Variants in GPC5 observed in about 807,000 individuals in gnomAD.
The protein encoded by GPC5 is glypican 5, also known as glypican-5.
In GPC5, 47 loss-of-function variants were observed where a neutral mutation model predicts 53.9. The observed-to-expected ratio is 0.87, with a 90% CI of 0.69 to 1.11. The LOEUF is 1.11. GPC5 is among the 50% of genes most tolerant of loss of function. The pLI is 0.00. For synonymous variants in GPC5, 286 were observed against 263.3 expected, an observed-to-expected ratio of 1.09 and a Z score of -0.84; for missense variants, 748 against 713.1, an observed-to-expected ratio of 1.05 and a Z score of -0.56.
intron 7 of GPC5, among the ~76,000 whole-genome samples, chr13:92,771,692 G>A (rs1175362252): frequency 2.6e-5 from 4 of 152,012 alleles, no homozygotes; most frequent in East Asian, 1.9e-4. Flanking sequence ...ACCTCTAGAC[G>A]ACAATTTTGC....
chr13:91,842,435 G>A (rs537148996), intron 5 of GPC5, among the ~76,000 whole-genome samples: 1 of 149,618 alleles, frequency 6.7e-6, no homozygotes, highest in South Asian at 2.2e-4. Context: ...GGGCGCGGTG[G>A]CTCACGCCTG....
rs1381980881 is a variant in GPC5 at position 91,693,252 on chromosome 13, A to G, written c.391A>G (p.Arg131Gly). The G allele has an allele frequency of 6.2e-7, 1 of 1,614,150 alleles. No homozygotes were observed. Among genetic ancestry groups the G allele is most frequent in the Admixed American group, 1.7e-5 (1 of 60,016 alleles). ...YTSILFCSTY[R>G]NMALEAAASV... ...CAGTATACTTTTTTGCAGTACCTAC[A>G]GGAACATGGCCTTGGAGGCTGCTGC... The change falls in exon 3 of 8, where the codon AGG becomes GGG. Residue 131 changes from arginine (R) to glycine (G), a missense_variant. Physicochemically the swap from Arg to Gly is moderately radical, Grantham distance 125. Transcript: ENST00000377067.
chr13:91,822,679 C>T (rs1007713027), intron 5 of GPC5, among the ~76,000 whole-genome samples: 1 of 151,936 alleles, frequency 6.6e-6, no homozygotes, highest in Non-Finnish European at 1.5e-5. Context: ...CCTCCCATGA[C>T]ACGTGGGGAT....
At chr13:92,351,284 G>A (rs1457689485) in intron 7 of GPC5, among the ~76,000 whole-genome samples, 2 of 151,716 alleles carry the variant, frequency 1.3e-5, no homozygotes, top group African/African-American at 4.8e-5. Flanking sequence ...GTGATAGTAT[G>A]GGAATAGTAT....
intron 6 of GPC5, among the ~76,000 whole-genome samples, chr13:92,111,916 AC>A (rs1312655582): frequency 3.3e-5 from 5 of 152,216 alleles, no homozygotes; most frequent in Non-Finnish European, 7.3e-5. Context: ...AATGCTAAGT[AC>A]CTTGAAATTT....
At chr13:92,587,232 G>T (rs1283556351) in intron 7 of GPC5, among the ~76,000 whole-genome samples, 1 of 151,978 alleles carries the variant, frequency 6.6e-6, no homozygotes, top group Admixed American at 6.6e-5. Flanking sequence ...TCTATATAAA[G>T]AACTAAAATA....
intron 2 of GPC5, among the ~76,000 whole-genome samples, chr13:91,595,368 T>A (rs1379321972): frequency 6.6e-6 from 1 of 152,180 alleles, no homozygotes; most frequent in East Asian, 1.9e-4. Flanking sequence ...ACATATCCCT[T>A]TAATACTGTA....
intron 7 of GPC5, among the ~76,000 whole-genome samples, chr13:92,182,097 TA>T (rs534566425): frequency 4.1e-4 from 62 of 152,260 alleles, no homozygotes; most frequent in African/African-American, 1.5e-3. Context: ...TTTATTTATT[TA>T]TTTTTTTTGC....
chr13:92,709,020 C>T (rs938040828), intron 7 of GPC5, among the ~76,000 whole-genome samples: 18 of 148,454 alleles, frequency 1.2e-4, no homozygotes, highest in African/African-American at 4.0e-4. Context: ...GTAGCTGGGC[C>T]TGCAGGCACC....
rs149330475 is a variant in GPC5, at chr13:91,681,240, T to C, written c.326-11947T>C. On this transcript the variant is annotated intron_variant, in intron 2 of 7. Coordinates refer to ENST00000377067, the MANE Select transcript of GPC5 (RefSeq NM_004466.6). ...TGTTAAGAAACAAGAACCAAGACTT[T>C]GAACGATCTGGCCTAGGATGCAGAG... Among the ~76,000 whole-genome samples, 325 of 152,296 alleles carry C rather than the reference T, an allele frequency of 2.1e-3. 2 individuals are homozygous for C. The highest frequency in any genetic ancestry group is 7.4e-3 in the African/African-American group (308 of 41,570).
At chr13:91,633,466 C>T (rs2034209889) in intron 2 of GPC5, among the ~76,000 whole-genome samples, 1 of 152,056 alleles carries the variant, frequency 6.6e-6, no homozygotes, top group Non-Finnish European at 1.5e-5. Flanking sequence ...GAGCCACTGT[C>T]ATAACAGTCT....
rs1395035881 is a variant in GPC5 at position 91,512,149 on chromosome 13, A to G, written c.325+63227A>G. On this transcript the variant is annotated intron_variant, in intron 2 of 7. Coordinates refer to ENST00000377067, the MANE Select transcript of GPC5 (RefSeq NM_004466.6). ...TAGCAGAGCTTGTGATCAAGATTCC[A>G]TCATCGCAACTCCAGAAATCGCTCT... Among the ~76,000 whole-genome samples the G allele has an allele frequency of 8.5e-5, 13 of 152,362 alleles. No homozygotes were observed. In the East Asian group the frequency reaches 2.3e-3, roughly 27 times the overall value.
chr13:92,711,598 A>T (rs1888142429), intron 7 of GPC5, among the ~76,000 whole-genome samples: 1 of 152,060 alleles, frequency 6.6e-6, no homozygotes, highest in Admixed American at 6.6e-5. Flanking sequence ...AACTGTCTCT[A>T]ATCTACTTTA....
intron 7 of GPC5, among the ~76,000 whole-genome samples, chr13:92,798,523 A>C (rs1305488622): frequency 6.6e-6 from 1 of 151,926 alleles, no homozygotes; most frequent in African/African-American, 2.4e-5. Context: ...CATGTGTGAT[A>C]ACCTACACTG....
intron 2 of GPC5, among the ~76,000 whole-genome samples, chr13:91,553,794 A>C (rs11842708): frequency 0.25 from 38,570 of 151,930 alleles, 5,500 homozygotes; most frequent in African/African-American, 0.39. Context: ...CTGCAAAAGG[A>C]ATAAAAAGCT....
At chr13:91,840,759 T>TAA (rs201241947) in intron 5 of GPC5, among the ~76,000 whole-genome samples, 277 of 150,998 alleles carry the variant, frequency 1.8e-3, no homozygotes, top group African/African-American at 6.4e-3. Context: ...TTTTTTTTTT[T>TAA]AAAAAACATG....
rs558117414 is a variant in GPC5 at position 91,847,211 on chromosome 13, C to T, written c.1281-60726C>T. On this transcript the variant is annotated intron_variant, in intron 5 of 7. Transcript: ENST00000377067. ...TCCAAGCCTGGGCGACAGAGCAAGA[C>T]TCCATCTCAAAAAAAAAAAAAAAAA... 1.4e-3 allele frequency among the ~76,000 whole-genome samples: 167 copies of T among 122,002 alleles called. 3 individuals are homozygous for T. The highest frequency in any genetic ancestry group is 5.7e-3 in the Middle Eastern group (1 of 174). The allele number at this position is 122,002 out of a possible 152,430, so 80.0% of individuals were successfully genotyped here.
chr13:91,435,762 G>A (rs993680093), intron 1 of GPC5, among the ~76,000 whole-genome samples: 3 of 152,152 alleles, frequency 2.0e-5, no homozygotes, highest in Non-Finnish European at 4.4e-5. Context: ...AGAAGGAATG[G>A]TACCAGCTCC....
chr13:92,685,558 T>TTTTTTTTTTTTTA (rs1555302899), intron 7 of GPC5, among the ~76,000 whole-genome samples: 24 of 109,750 alleles, frequency 2.2e-4, no homozygotes, highest in Admixed American at 1.8e-3. Flanking sequence ...TTTTTTTTTT[T>TTTTTTTTTTTTTA]AATTTTTTTT....
Sources: gnomAD v4.1 joint callset for allele counts (sites outside exome capture counted in the v4.1 genomes callset) on GRCh38, gnomAD v4.1.1 for gene constraint, MANE v1.5 for transcripts, NCBI Gene and HGNC (gene_info 2026-07-23, HGNC 2026-07-21) for gene names.